Variants in NR5A2 observed in about 807,000 individuals in gnomAD.
NR5A2 encodes the protein CYP7A promoter-binding factor.
In NR5A2, 26 loss-of-function variants were observed where a neutral mutation model predicts 62.7. The observed-to-expected ratio is 0.41, with a 90% confidence interval of 0.30 to 0.58. The LOEUF (loss-of-function observed/expected upper bound fraction) is 0.58. NR5A2 is among the 20% of genes least tolerant of loss of function. NR5A2 has a pLI of 0.22. For missense variants in NR5A2, 541 were observed against 669.1 expected (o/e 0.81, Z 2.11); for synonymous variants, 246 against 241.7 (o/e 1.02, Z -0.16).
chr1:200,099,171 C>A (rs1665248341), intron 5 of NR5A2, among the ~76,000 whole-genome samples: 1 of 152,260 alleles, frequency 6.6e-6, no homozygotes, highest in Non-Finnish European at 1.5e-5. Context: ...CCAGAGAATT[C>A]CCATCACTGA....
intron 7 of NR5A2, among the ~76,000 whole-genome samples, chr1:200,145,468 T>TTGTGTGTGTGTGTGTGTGTG (rs66885184): frequency 1.4e-5 from 2 of 142,114 alleles, no homozygotes; most frequent in East Asian, 2.0e-4. Flanking sequence ...TTGATAGAAT[T>TTGTGTGTGTGTGTGTGTGTG]TGTGTGTGTG....
chr1:200,149,651 G>C (rs1429187155), intron 7 of NR5A2, among the ~76,000 whole-genome samples: 3 of 152,154 alleles, frequency 2.0e-5, no homozygotes, highest in African/African-American at 7.2e-5. Context: ...GCCAATTGTA[G>C]GCGGTAATAG....
At chr1:200,111,406 A>G (rs1231219231) in intron 6 of NR5A2, 85 bp downstream of exon 6, 1 of 1,448,784 alleles carries the variant, frequency 6.9e-7, no homozygotes, top group African/African-American at 1.4e-5. Context: ...GGTCAGAAGC[A>G]CTCTTGTGCT....
At chr1:200,068,954 T>C (rs952141350) in intron 5 of NR5A2, among the ~76,000 whole-genome samples, 1 of 152,212 alleles carries the variant, frequency 6.6e-6, no homozygotes, top group Non-Finnish European at 1.5e-5. Context: ...TTTTTCTTTC[T>C]AAAAATAATT....
intron 5 of NR5A2, among the ~76,000 whole-genome samples, chr1:200,073,620 T>G (rs1663857073): frequency 6.6e-6 from 1 of 152,020 alleles, no homozygotes; most frequent in Non-Finnish European, 1.5e-5. Flanking sequence ...CCAAATACTT[T>G]TGATCCATGG....
intron 6 of NR5A2, among the ~76,000 whole-genome samples, chr1:200,115,091 G>A (rs1558148068): frequency 6.6e-6 from 1 of 152,028 alleles, no homozygotes; most frequent in Non-Finnish European, 1.5e-5. Context: ...TTTCTATATG[G>A]CATTGTAAGC....
intron 5 of NR5A2, among the ~76,000 whole-genome samples, chr1:200,097,480 C>CT (rs1230798144): frequency 2.6e-5 from 4 of 152,194 alleles, no homozygotes; most frequent in Non-Finnish European, 5.9e-5. Flanking sequence ...AAATTCAATA[C>CT]TTTATCTTTC....
At chr1:200,100,320 CTTTA>C (rs34615334) in intron 5 of NR5A2, among the ~76,000 whole-genome samples, 2 of 151,616 alleles carry the variant, frequency 1.3e-5, no homozygotes, top group Non-Finnish European at 2.9e-5. Flanking sequence ...CATATTTTGC[CTTTA>C]TTTATTTATT....
In NR5A2 at chr1:200,176,804, C is replaced by A. The variant is rs1402102974; in HGVS notation, c.*2594C>A. 3.3e-5 allele frequency: 5 copies of A among 152,204 alleles called. No homozygotes were observed. In the East Asian group the frequency reaches 9.7e-4, roughly 29 times the overall value. 9.4% of individuals were successfully genotyped at this position (152,204 alleles called of 1,614,324 possible). ...GGGTGCATGCCAGCATACCTGGCTA[C>A]GTTGACTCTTAAAATCTATGTTCTC... On this transcript the variant is annotated 3_prime_UTR_variant, in exon 8 of 8. Coordinates refer to ENST00000367362, the MANE Select transcript of NR5A2 (RefSeq NM_205860.3).
At chr1:200,104,694 A>G (rs1665558610) in intron 5 of NR5A2, among the ~76,000 whole-genome samples, 1 of 152,098 alleles carries the variant, frequency 6.6e-6, no homozygotes, top group African/African-American at 2.4e-5. Context: ...ACAGAGTCTC[A>G]CTCCGTCACC....
intron 5 of NR5A2, among the ~76,000 whole-genome samples, chr1:200,098,583 G>C (rs1400907805): frequency 6.6e-6 from 1 of 151,010 alleles, no homozygotes; most frequent in African/African-American, 2.4e-5. Context: ...CCTGTTTCTG[G>C]CACCTGAGTA....
At chr1:200,087,078 A>C (rs749489645) in intron 5 of NR5A2, among the ~76,000 whole-genome samples, 3 of 152,132 alleles carry the variant, frequency 2.0e-5, no homozygotes, top group Non-Finnish European at 2.9e-5. Context: ...GGGTAGACAA[A>C]TTTTAGTTTC....
chr1:200,103,951 T>C (rs1178770660), intron 5 of NR5A2, among the ~76,000 whole-genome samples: 6 of 151,368 alleles, frequency 4.0e-5, no homozygotes, highest in Non-Finnish European at 8.9e-5. Context: ...TGGGGGACTA[T>C]TGGGCGTGAC....
At chr1:200,041,447 C>T (rs1662078083) in intron 2 of NR5A2, among the ~76,000 whole-genome samples, 1 of 152,110 alleles carries the variant, frequency 6.6e-6, no homozygotes, top group Non-Finnish European at 1.5e-5. Flanking sequence ...GGGAGGAGCC[C>T]CTGGGGGATG....
At chr1:200,041,760 G>A (rs571398114) in intron 2 of NR5A2, among the ~76,000 whole-genome samples, 2 of 152,272 alleles carry the variant, frequency 1.3e-5, no homozygotes, top group African/African-American at 4.8e-5. Flanking sequence ...ACACAGCAGC[G>A]TCTCCCTACT....
chr1:200,052,847 A>G (rs1043880034), intron 5 of NR5A2, among the ~76,000 whole-genome samples: 21 of 152,042 alleles, frequency 1.4e-4, no homozygotes, highest in Admixed American at 4.6e-4. Flanking sequence ...TCACCGTGTT[A>G]GCCAGGATGG....
intron 5 of NR5A2, among the ~76,000 whole-genome samples, chr1:200,061,035 G>T (rs1391542754): frequency 6.7e-6 from 1 of 149,192 alleles, no homozygotes; most frequent in Non-Finnish European, 1.5e-5. Context: ...CAGGATAATT[G>T]GTCGAACCCA....
Position 200,035,105 on chromosome 1 carries a change from C to T in NR5A2, c.65-4553C>T, listed in dbSNP as rs543176623. Among the ~76,000 whole-genome samples, 11 of 152,068 alleles carry T rather than the reference C, an allele frequency of 7.2e-5. No individual in the cohort carries two copies. In the South Asian group the frequency reaches 2.3e-3, roughly 32 times the overall value. On this transcript the variant is annotated intron_variant, in intron 1 of 7. Transcript: ENST00000367362. The stretch of plus-strand genomic sequence containing the variant: ...AAAAATTAGGCAGACCCGGAGCTCC[C>T]GTAGGCTGAAAAACTTGCTCCTCTT...
chr1:200,151,158 A>AG (rs770393344), intron 7 of NR5A2, among the ~76,000 whole-genome samples: 11 of 152,076 alleles, frequency 7.2e-5, no homozygotes, highest in Non-Finnish European at 1.2e-4. Flanking sequence ...TCCCACTGGA[A>AG]GGGGGAAAAA....
Sources: allele counts gnomAD v4.1 joint callset (sites outside exome capture counted in the v4.1 genomes callset), GRCh38; gene constraint gnomAD v4.1.1; transcripts MANE v1.5; gene names NCBI Gene and HGNC (gene_info 2026-07-23, HGNC 2026-07-21).